SLC35F4: variants seen among roughly 807,000 people sequenced by gnomAD.
The protein encoded by SLC35F4 is solute carrier family 35 member F4.
Under a neutral mutation model 44.2 loss-of-function variants are expected in SLC35F4, and 24 were observed. That is an observed-to-expected ratio of 0.54 (90% CI 0.39 to 0.76). The LOEUF (loss-of-function observed/expected upper bound fraction) is 0.76. Ranked by LOEUF, SLC35F4 falls within the 30% of genes least tolerant of loss-of-function variation. The pLI, the probability that SLC35F4 is intolerant of heterozygous loss-of-function variation, is 0.00. For missense variants in SLC35F4, 562 were observed against 586.1 expected (o/e 0.96, Z 0.42); for synonymous variants, 238 against 223.6 (o/e 1.06, Z -0.57).
intron 1 of SLC35F4, among the ~76,000 whole-genome samples, chr14:57,627,800 A>T (rs1451294460): frequency 1.3e-5 from 2 of 152,052 alleles, no homozygotes; most frequent in Non-Finnish European, 2.9e-5. Flanking sequence ...AGAGAAATTT[A>T]ATTCCTTCCT....
At chr14:57,652,892 T>A (rs543166644) in intron 1 of SLC35F4, among the ~76,000 whole-genome samples, 1 of 152,336 alleles carries the variant, frequency 6.6e-6, no homozygotes, top group Admixed American at 6.5e-5. Context: ...TGGTTCATCT[T>A]GCAATCAATT....
In SLC35F4 at chr14:57,568,294, C is replaced by T. The variant is rs567739551; in HGVS notation, c.1126+1494G>A. Among the ~76,000 whole-genome samples the T allele has an allele frequency of 9.3e-4, 141 of 152,258 alleles. 2 individuals are homozygous for T. In the South Asian group the frequency reaches 0.012, roughly 13 times the overall value. Reference sequence around the variant, plus strand: ...GCCTCTGCAGGCTTGCTTAGGAGCGCGTATTGGATATGCCAAGGAGTATAT... The same window carrying T: ...GCCTCTGCAGGCTTGCTTAGGAGCGTGTATTGGATATGCCAAGGAGTATAT... On this transcript the variant is annotated intron_variant, in intron 6 of 7. Coordinates refer to ENST00000556826, the MANE Select transcript of SLC35F4 (RefSeq NM_001306087.2).
At chr14:57,762,614 T>C (rs1486482241) in intron 1 of SLC35F4, among the ~76,000 whole-genome samples, 3 of 152,124 alleles carry the variant, frequency 2.0e-5, no homozygotes, top group African/African-American at 7.2e-5. Context: ...AAGAAATGAT[T>C]AGGCCATGAG....
At chr14:57,652,134 C>T (rs936510739) in intron 1 of SLC35F4, among the ~76,000 whole-genome samples, 2 of 152,200 alleles carry the variant, frequency 1.3e-5, no homozygotes, top group African/African-American at 2.4e-5. Flanking sequence ...TGTGATGTAA[C>T]TTCATGTCTT....
chr14:57,687,896 A>C (rs2075113434), intron 1 of SLC35F4, among the ~76,000 whole-genome samples: 1 of 152,184 alleles, frequency 6.6e-6, no homozygotes, highest in Non-Finnish European at 1.5e-5. Flanking sequence ...ATATATGAAG[A>C]CTGAAGCAGC....
At chr14:57,777,199 C>T (rs2077510091) in intron 1 of SLC35F4, among the ~76,000 whole-genome samples, 1 of 152,172 alleles carries the variant, frequency 6.6e-6, no homozygotes, top group Non-Finnish European at 1.5e-5. Flanking sequence ...CTAGTTCAAC[C>T]ATTGTGGAAG....
chr14:57,672,795 T>C (rs1232739293), intron 1 of SLC35F4, among the ~76,000 whole-genome samples: 1 of 133,504 alleles, frequency 7.5e-6, no homozygotes, highest in African/African-American at 2.8e-5. Flanking sequence ...TTTTTTTTTT[T>C]CACTTAGAAT....
chr14:57,810,513 G>T (rs1881842117), intron 1 of SLC35F4, among the ~76,000 whole-genome samples: 1 of 152,152 alleles, frequency 6.6e-6, no homozygotes. Flanking sequence ...ACCATCACTG[G>T]CTATCCTCAA....
chr14:57,740,445 T>C (rs62003379), intron 1 of SLC35F4, among the ~76,000 whole-genome samples: 4,939 of 152,238 alleles, frequency 0.032, 119 homozygotes, highest in South Asian at 0.052. Context: ...TCACAGAAAA[T>C]TCTCAATGAA....
rs577192432 is a variant in SLC35F4, at chr14:57,619,983, G to C, written c.104-25859C>G. Among the ~76,000 whole-genome samples the C allele has an allele frequency of 2.0e-5, 3 of 151,940 alleles. No individual in the cohort carries two copies. In the East Asian group the frequency reaches 5.8e-4, roughly 29 times the overall value. On this transcript the variant is annotated intron_variant, in intron 1 of 7. Coordinates refer to ENST00000556826, the MANE Select transcript of SLC35F4 (RefSeq NM_001306087.2). ...TCAATGAAATAAAGCAAGAAGACAAGATTAGTGAAAAAAGAATGAAAAGAA... is the reference window on the plus strand; with the variant it reads ...TCAATGAAATAAAGCAAGAAGACAACATTAGTGAAAAAAGAATGAAAAGAA...
intron 1 of SLC35F4, among the ~76,000 whole-genome samples, chr14:57,668,955 T>C (rs949121166): frequency 2.0e-4 from 30 of 152,184 alleles, no homozygotes; most frequent in Middle Eastern, 3.4e-3. Flanking sequence ...ATTCTTCCTA[T>C]CCATGAGCAT....
chr14:57,628,929 A>G (rs984556874), intron 1 of SLC35F4, among the ~76,000 whole-genome samples: 1 of 152,034 alleles, frequency 6.6e-6, no homozygotes, highest in African/African-American at 2.4e-5. Context: ...GCTGTATCTC[A>G]TGGATTTCCC....
intron 1 of SLC35F4, among the ~76,000 whole-genome samples, chr14:57,949,747 T>C (rs975853804): frequency 7.2e-5 from 11 of 152,144 alleles, no homozygotes; most frequent in African/African-American, 2.4e-4. Flanking sequence ...TAGCATTTGT[T>C]TGTCTGAAAA....
intron 1 of SLC35F4, among the ~76,000 whole-genome samples, chr14:57,786,685 C>T (rs544298602): frequency 4.6e-5 from 7 of 152,286 alleles, no homozygotes; most frequent in African/African-American, 1.4e-4. Context: ...TGCAGTTCAG[C>T]TCACAGGAAG....
At chr14:57,895,604 G>GTC (rs1888855285) in intron 1 of SLC35F4, among the ~76,000 whole-genome samples, 2 of 140,278 alleles carry the variant, frequency 1.4e-5, no homozygotes. Flanking sequence ...CTCTCTCTCT[G>GTC]TCTCTCTCTG....
chr14:57,733,776 G>A (rs2076402922), intron 1 of SLC35F4, among the ~76,000 whole-genome samples: 1 of 151,916 alleles, frequency 6.6e-6, no homozygotes, highest in Non-Finnish European at 1.5e-5. Context: ...ATTAATTCAG[G>A]GCCTAGGCAT....
intron 1 of SLC35F4, among the ~76,000 whole-genome samples, chr14:57,856,486 T>C (rs1015139205): frequency 2.6e-5 from 4 of 152,076 alleles, no homozygotes; most frequent in Non-Finnish European, 4.4e-5. Context: ...TATTAGCTAG[T>C]GAAAGTAGTA....
At chr14:57,725,871 A>G (rs1471788768) in intron 1 of SLC35F4, among the ~76,000 whole-genome samples, 1 of 152,214 alleles carries the variant, frequency 6.6e-6, no homozygotes, top group Non-Finnish European at 1.5e-5. Flanking sequence ...ATGACTCACC[A>G]TCACCTCTAG....
chr14:57,765,787 G>A (rs138146642), intron 1 of SLC35F4, among the ~76,000 whole-genome samples: 2 of 152,124 alleles, frequency 1.3e-5, no homozygotes, highest in African/African-American at 4.8e-5. Flanking sequence ...ATTAATATGG[G>A]CTATAAGTAT....
Sources: gnomAD v4.1 joint callset for allele counts (sites outside exome capture counted in the v4.1 genomes callset) on GRCh38, gnomAD v4.1.1 for gene constraint, MANE v1.5 for transcripts, NCBI Gene and HGNC (gene_info 2026-07-23, HGNC 2026-07-21) for gene names.